RASAL2: variants seen among roughly 807,000 people sequenced by gnomAD.
RASAL2 encodes the protein ras GTPase-activating protein nGAP.
A neutral mutation model predicts 128.9 loss-of-function variants in RASAL2; 58 were observed. The observed-to-expected ratio is 0.45, with a 90% CI of 0.36 to 0.56. The LOEUF is 0.56. Ranked by LOEUF, RASAL2 falls within the 20% of genes least tolerant of loss-of-function variation. The pLI is 0.00. For missense variants in RASAL2, 1,360 were observed against 1,601.6 expected, an observed-to-expected ratio of 0.85 and a Z score of 2.57; for synonymous variants, 561 against 580.8, an observed-to-expected ratio of 0.97 and a Z score of 0.49.
intron 4 of RASAL2, among the ~76,000 whole-genome samples, chr1:178,407,947 G>T (rs190617235): frequency 6.6e-6 from 1 of 152,280 alleles, no homozygotes; most frequent in Non-Finnish European, 1.5e-5. Context: ...TTTGCAGGTG[G>T]CCAACAACTT....
At chr1:178,355,780 G>T (rs1422996802) in intron 3 of RASAL2, among the ~76,000 whole-genome samples, 2 of 152,132 alleles carry the variant, frequency 1.3e-5, no homozygotes, top group Admixed American at 1.3e-4. Context: ...TAGAAAAATG[G>T]GCAGAGACTT....
chr1:178,150,048 T>C (rs575382429), intron 1 of RASAL2, among the ~76,000 whole-genome samples: 1 of 152,338 alleles, frequency 6.6e-6, no homozygotes, highest in South Asian at 2.1e-4. Context: ...GTTAGAATTG[T>C]AAGTTACTTC....
At chr1:178,363,442 C>T (rs957749212) in intron 3 of RASAL2, among the ~76,000 whole-genome samples, 37 of 152,126 alleles carry the variant, frequency 2.4e-4, no homozygotes, top group African/African-American at 8.2e-4. Flanking sequence ...TCTCCTAATG[C>T]GTAGGCCTCC....
intron 9 of RASAL2, among the ~76,000 whole-genome samples, chr1:178,447,989 G>A (rs1340939834): frequency 6.6e-6 from 1 of 152,114 alleles, no homozygotes; most frequent in Non-Finnish European, 1.5e-5. Context: ...GGAAATCTCA[G>A]GGGTTTTAGA....
intron 14 of RASAL2, among the ~76,000 whole-genome samples, chr1:178,463,411 C>T (rs1022650726): frequency 2.6e-5 from 4 of 152,172 alleles, no homozygotes; most frequent in African/African-American, 7.2e-5. Context: ...CACCTAACCT[C>T]TCTGTAGCAC....
intron 1 of RASAL2, among the ~76,000 whole-genome samples, chr1:178,205,244 A>G (rs2101973935): frequency 6.6e-6 from 1 of 152,048 alleles, no homozygotes; most frequent in African/African-American, 2.4e-5. Context: ...ACCTCAGGTG[A>G]TTTGCCTGCC....
At chr1:178,225,926 C>T (rs1047139766) in intron 1 of RASAL2, among the ~76,000 whole-genome samples, 2 of 152,116 alleles carry the variant, frequency 1.3e-5, no homozygotes, top group Non-Finnish European at 2.9e-5. Flanking sequence ...ATTCTTAGCA[C>T]ACTATCATGA....
In RASAL2 at chr1:178,439,987, A is replaced by ATCCG. The variant is rs1231274668; in HGVS notation, c.828+415_828+416insGTCC. 6.5e-3 allele frequency among the ~76,000 whole-genome samples: 973 copies of ATCCG among 149,370 alleles called. 12 individuals are homozygous for ATCCG. The highest frequency in any genetic ancestry group is 0.024 in the African/African-American group (935 of 39,406). On this transcript the variant is annotated intron_variant, in intron 6 of 17. Coordinates refer to ENST00000367649, the MANE Select transcript of RASAL2 (RefSeq NM_170692.4). ...TATTTATCCATCCATCCATCCATCCATCCATCCATCCATCCATCCATCCTA... is the reference window on the plus strand; with the variant it reads ...TATTTATCCATCCATCCATCCATCCATCCGTCCATCCATCCATCCATCCATCCTA...
chr1:178,350,851 T>G (rs1670434150), intron 3 of RASAL2, among the ~76,000 whole-genome samples: 1 of 152,194 alleles, frequency 6.6e-6, no homozygotes, highest in African/African-American at 2.4e-5. Context: ...ATGTATTAGT[T>G]CATTCTTGCA....
intron 1 of RASAL2, among the ~76,000 whole-genome samples, chr1:178,190,580 T>G (rs1467410694): frequency 6.6e-5 from 10 of 152,202 alleles, no homozygotes; most frequent in South Asian, 2.1e-4. Context: ...AAGGAATCTA[T>G]CTAGCTAGAA....
chr1:178,448,583 A>G (rs1014067541), intron 9 of RASAL2, among the ~76,000 whole-genome samples: 5 of 152,194 alleles, frequency 3.3e-5, no homozygotes, highest in African/African-American at 1.2e-4. Flanking sequence ...TGTCATTTAC[A>G]TAAAGAGCTT....
At chr1:178,163,331 T>C (rs1661400609) in intron 1 of RASAL2, among the ~76,000 whole-genome samples, 1 of 152,182 alleles carries the variant, frequency 6.6e-6, no homozygotes. Context: ...CAGTTTTTCT[T>C]TTTTCTTACC....
At chr1:178,466,910 T>C (rs955610643) in intron 16 of RASAL2, among the ~76,000 whole-genome samples, 8 of 152,216 alleles carry the variant, frequency 5.3e-5, no homozygotes, top group African/African-American at 1.9e-4. Context: ...AAGATGTGAA[T>C]GGCGGACAGA....
At chr1:178,244,434 G>T (rs1664671163) in intron 1 of RASAL2, among the ~76,000 whole-genome samples, 1 of 151,928 alleles carries the variant, frequency 6.6e-6, no homozygotes, top group African/African-American at 2.4e-5. Context: ...GTAGAGATGG[G>T]GTTTCACCAT....
At chr1:178,282,317 G>A (rs554846848) in intron 1 of RASAL2, among the ~76,000 whole-genome samples, 1 of 152,204 alleles carries the variant, frequency 6.6e-6, no homozygotes, top group East Asian at 1.9e-4. Flanking sequence ...AAGAAACAAT[G>A]AAGACAATAT....
intron 1 of RASAL2, among the ~76,000 whole-genome samples, chr1:178,261,610 A>T (rs1165215008): frequency 1.3e-5 from 2 of 152,182 alleles, no homozygotes; most frequent in Non-Finnish European, 2.9e-5. Flanking sequence ...ACACAGAGGA[A>T]CATAACTGTA....
intron 1 of RASAL2, among the ~76,000 whole-genome samples, chr1:178,125,003 A>G (rs1571508433): frequency 6.6e-6 from 1 of 152,200 alleles, no homozygotes; most frequent in Admixed American, 6.5e-5. Context: ...GTTATATCTC[A>G]TACTTAGAGA....
chr1:178,398,022 G>A (rs1673358881), intron 4 of RASAL2, among the ~76,000 whole-genome samples: 1 of 151,898 alleles, frequency 6.6e-6, no homozygotes, highest in Admixed American at 6.6e-5. Flanking sequence ...TAAAAAATTT[G>A]AAAATATTAA....
At chr1:178,207,496 C>T (rs1213342124) in intron 1 of RASAL2, among the ~76,000 whole-genome samples, 1 of 152,092 alleles carries the variant, frequency 6.6e-6, no homozygotes, top group East Asian at 1.9e-4. Flanking sequence ...AATACTACGA[C>T]ATTTTATGTA....
Sources: gnomAD v4.1 joint callset for allele counts (sites outside exome capture counted in the v4.1 genomes callset) on GRCh38, gnomAD v4.1.1 for gene constraint, MANE v1.5 for transcripts, NCBI Gene and HGNC (gene_info 2026-07-23, HGNC 2026-07-21) for gene names.